RTN4RL1: variants seen among roughly 807,000 people sequenced by gnomAD.
RTN4RL1 encodes the protein reticulon 4 receptor like 1.
A neutral mutation model predicts 25.6 loss-of-function variants in RTN4RL1; 7 were observed. The observed-to-expected ratio is 0.27, with a 90% CI of 0.16 to 0.51. The LOEUF (loss-of-function observed/expected upper bound fraction) is 0.51, where lower values mean the gene tolerates loss of function less well. Among genes scored for constraint, RTN4RL1 ranks in the 20% least tolerant of loss-of-function variants. The pLI is 0.97. For synonymous variants in RTN4RL1, 297 were observed against 288.2 expected (o/e 1.03, Z -0.31); for missense variants, 500 against 615.6 (o/e 0.81, Z 1.99).
intron 1 of RTN4RL1, among the ~76,000 whole-genome samples, chr17:1,971,261 C>A (rs1344294938): frequency 1.3e-5 from 2 of 152,176 alleles, no homozygotes; most frequent in Non-Finnish European, 2.9e-5. Flanking sequence ...TGCTCTCTCT[C>A]CTGTCGCCTT....
At chr17:2,003,135 C>T (rs1396877870) in intron 1 of RTN4RL1, 1 of 152,238 alleles carries the variant, frequency 6.6e-6, no homozygotes, top group Non-Finnish European at 1.5e-5. Context: ...TTCCAGAACA[C>T]ACCCTTATCC....
chr17:2,024,479 G>A (rs536461981), intron 1 of RTN4RL1, among the ~76,000 whole-genome samples: 3 of 152,204 alleles, frequency 2.0e-5, no homozygotes, highest in South Asian at 4.1e-4. Context: ...CCACAAAGCG[G>A]CAGAAGCAAG....
intron 1 of RTN4RL1, among the ~76,000 whole-genome samples, chr17:2,005,762 T>TCTCC (rs979015971): frequency 2.7e-5 from 4 of 150,474 alleles, no homozygotes; most frequent in African/African-American, 9.8e-5. Flanking sequence ...TCTCTCTCTC[T>TCTCC]CTCCTTCTCT....
At chr17:1,987,588 G>A (rs2066892391) in intron 1 of RTN4RL1, among the ~76,000 whole-genome samples, 1 of 152,142 alleles carries the variant, frequency 6.6e-6, no homozygotes, top group Non-Finnish European at 1.5e-5. Context: ...TTTGTAACCA[G>A]AGTCTCACCC....
intron 1 of RTN4RL1, among the ~76,000 whole-genome samples, chr17:2,022,498 A>C (rs2067221702): frequency 6.6e-6 from 1 of 152,236 alleles, no homozygotes; most frequent in South Asian, 2.1e-4. Flanking sequence ...TTCTAGAAGC[A>C]GACACTTCAA....
chr17:1,952,693 T>A (rs567382905), intron 1 of RTN4RL1, among the ~76,000 whole-genome samples: 1 of 151,890 alleles, frequency 6.6e-6, no homozygotes, highest in East Asian at 2.0e-4. Context: ...CCCCTCCTCT[T>A]GGCAATCAGG....
At chr17:1,946,121 T>C (rs1238422508) in intron 1 of RTN4RL1, among the ~76,000 whole-genome samples, 1 of 152,096 alleles carries the variant, frequency 6.6e-6, no homozygotes, top group Non-Finnish European at 1.5e-5. Context: ...CAGGGCAGGG[T>C]GACCAGGGCA....
chr17:2,011,069 T>C (rs2067043576), intron 1 of RTN4RL1, among the ~76,000 whole-genome samples: 1 of 151,244 alleles, frequency 6.6e-6, no homozygotes, highest in African/African-American at 2.4e-5. Flanking sequence ...CTGACCAACA[T>C]GGAGAAACCC....
chr17:2,006,569 C>T (rs2066997516), intron 1 of RTN4RL1, among the ~76,000 whole-genome samples: 1 of 152,106 alleles, frequency 6.6e-6, no homozygotes, highest in African/African-American at 2.4e-5. Flanking sequence ...CCTCCCGCCT[C>T]AGCCTCCCAA....
At chr17:2,002,301 T>TC (rs1205912305) in intron 1 of RTN4RL1, among the ~76,000 whole-genome samples, 7 of 148,500 alleles carry the variant, frequency 4.7e-5, no homozygotes, top group Non-Finnish European at 9.0e-5. Context: ...TTAATTTTAA[T>TC]TTTTTTTTTG....
At chr17:1,983,392 CG>C in intron 1 of RTN4RL1, among the ~76,000 whole-genome samples, 1 of 152,244 alleles carries the variant, frequency 6.6e-6, no homozygotes, top group Non-Finnish European at 1.5e-5. Context: ...ATGACACCAG[CG>C]GGGGCCAATT....
At chr17:2,022,290 T>C (rs1567535167) in intron 1 of RTN4RL1, among the ~76,000 whole-genome samples, 1 of 152,056 alleles carries the variant, frequency 6.6e-6, no homozygotes, top group Non-Finnish European at 1.5e-5. Flanking sequence ...CACTCCAGCC[T>C]GGGCAACAGA....
chr17:1,947,578 G>A (rs1915583082), intron 1 of RTN4RL1, among the ~76,000 whole-genome samples: 1 of 152,224 alleles, frequency 6.6e-6, no homozygotes, highest in Admixed American at 6.5e-5. Flanking sequence ...GAAGTGGGCG[G>A]CCCCTTATTG....
chr17:1,969,765 A>C (rs1360578211), intron 1 of RTN4RL1, among the ~76,000 whole-genome samples: 1 of 152,200 alleles, frequency 6.6e-6, no homozygotes, highest in Admixed American at 6.5e-5. Context: ...AACCACTCTG[A>C]ACACGAGGGC....
intron 1 of RTN4RL1, among the ~76,000 whole-genome samples, chr17:2,012,920 A>G (rs139225121): frequency 6.6e-6 from 1 of 152,006 alleles, no homozygotes; most frequent in African/African-American, 2.4e-5. Flanking sequence ...CAGCCTCCCA[A>G]GTAGCTGGAA....
At chr17:2,006,235 G>A (rs1421363061) in intron 1 of RTN4RL1, among the ~76,000 whole-genome samples, 1 of 150,640 alleles carries the variant, frequency 6.6e-6, no homozygotes, top group Non-Finnish European at 1.5e-5. Context: ...TCGGCTCACT[G>A]TAACCTCCGC....
intron 1 of RTN4RL1, among the ~76,000 whole-genome samples, chr17:1,946,632 C>CTG (rs372608940): frequency 1.6e-3 from 222 of 137,216 alleles, no homozygotes; most frequent in African/African-American, 6.0e-3. Context: ...GCACGTGTGT[C>CTG]TGTGCATCTC....
chr17:1,970,019 CTTTTT>C (rs59804703), intron 1 of RTN4RL1, among the ~76,000 whole-genome samples: 1 of 72,188 alleles, frequency 1.4e-5, no homozygotes. Context: ...CTCTCTCTCT[CTTTTT>C]TTTTTTTTTT....
intron 1 of RTN4RL1, chr17:2,001,395 C>T (rs1256528598): frequency 3.9e-5 from 6 of 152,292 alleles, no homozygotes; most frequent in Non-Finnish European, 7.3e-5. Context: ...AGGCGCCCGT[C>T]ACCATGCCCT....
Sources: allele counts gnomAD v4.1 joint callset (sites outside exome capture counted in the v4.1 genomes callset), GRCh38; gene constraint gnomAD v4.1.1; transcripts MANE v1.5; gene names NCBI Gene and HGNC (gene_info 2026-07-23, HGNC 2026-07-21).